The following RERE variants were observed in gnomAD, a reference collection of about 807,000 sequenced individuals.
The protein encoded by RERE is arginine-glutamic acid dipeptide repeats protein.
Under a neutral mutation model 146.1 loss-of-function variants are expected in RERE, and 40 were observed. That is an observed-to-expected ratio of 0.27 (90% CI 0.21 to 0.36). RERE has a LOEUF of 0.36. RERE is among the 10% of genes least tolerant of loss of function. RERE has a pLI of 1.00. For synonymous variants in RERE, 1,003 were observed against 866.0 expected (o/e 1.16, Z -2.78); for missense variants, 1,933 against 2,138.7 (o/e 0.90, Z 1.90).
rs1338007021 is a variant in RERE, at chr1:8,364,608, T to C, written c.1540+138A>G. 1.8e-5 allele frequency: 12 copies of C among 685,496 alleles called. No individual in the cohort carries two copies. Among genetic ancestry groups the C allele is most frequent in the African/African-American group, 3.5e-5 (2 of 56,694 alleles). The allele number at this position is 685,496 out of a possible 1,614,324, so 42.5% of individuals were successfully genotyped here. A position where few individuals can be genotyped will look rare whatever the true frequency, so the allele number is the denominator to read the frequency against. On this transcript the variant is annotated intron_variant, in intron 14 of 22. Transcript: ENST00000400908. This position sits in a 1 kb window ranked among gnomAD's most constrained non-coding sequence, Gnocchi z 5.1. ...AAAGTAAACTAAACATTTCTAACTTTCTCGAATCCCGAAGCACAATGCAAA... is the reference window on the plus strand; with the variant it reads ...AAAGTAAACTAAACATTTCTAACTTCCTCGAATCCCGAAGCACAATGCAAA...
Position 8,498,714 on chromosome 1 carries a change from A to AT in RERE, c.880-1186_880-1185insA, listed in dbSNP as rs200250800. Reference sequence around the variant, plus strand: ...CCATCTCAAAAAAAAAAAAAATAAAAAAAAAAAAATAAATATATACACACA... The same window carrying AT: ...CCATCTCAAAAAAAAAAAAAATAAAATAAAAAAAAATAAATATATACACACA... On this transcript the variant is annotated intron_variant, in intron 8 of 22. Transcript: ENST00000400908. Among the ~76,000 whole-genome samples the AT allele has an allele frequency of 1.0e-4, 11 of 108,826 alleles. 1 individual carries two copies. Among genetic ancestry groups the AT allele is most frequent in the East Asian group, 8.0e-4 (3 of 3,734 alleles). The allele number at this position is 108,826 out of a possible 152,430, so 71.4% of individuals were successfully genotyped here. A position where few individuals can be genotyped will look rare whatever the true frequency, so the allele number is the denominator to read the frequency against.
At chr1:8,754,779 A>T (rs889691321) in intron 1 of RERE, among the ~76,000 whole-genome samples, 7 of 152,220 alleles carry the variant, frequency 4.6e-5, no homozygotes, top group Non-Finnish European at 1.0e-4. Context: ...AACTGCTGAG[A>T]TTTTCAGATC....
chr1:8,545,601 G>C (rs1276420045), intron 6 of RERE, among the ~76,000 whole-genome samples: 1 of 151,024 alleles, frequency 6.6e-6, no homozygotes, highest in Non-Finnish European at 1.5e-5. Flanking sequence ...CAAATCTGTT[G>C]AAAGCTATTA....
At chr1:8,604,185 G>A (rs1319090976) in intron 4 of RERE, among the ~76,000 whole-genome samples, 1 of 152,106 alleles carries the variant, frequency 6.6e-6, no homozygotes, top group East Asian at 1.9e-4. Context: ...TAAGTCACCT[G>A]ATCGTACAAC....
chr1:8,485,778 C>A (rs1644890485), intron 10 of RERE, among the ~76,000 whole-genome samples: 1 of 146,386 alleles, frequency 6.8e-6, no homozygotes, highest in South Asian at 2.1e-4. Context: ...AAAGGAGAAA[C>A]AACCAACTCT....
intron 1 of RERE, among the ~76,000 whole-genome samples, chr1:8,712,961 G>A (rs1231065109): frequency 6.6e-6 from 1 of 152,156 alleles, no homozygotes; most frequent in East Asian, 1.9e-4. Flanking sequence ...TGCTATGGAG[G>A]ACTATAGTTT....
At chr1:8,618,566 C>T (rs1427795320) in intron 3 of RERE, among the ~76,000 whole-genome samples, 1 of 152,166 alleles carries the variant, frequency 6.6e-6, no homozygotes, top group African/African-American at 2.4e-5. Flanking sequence ...TAAACGAATG[C>T]CCATTCCGTG....
chr1:8,386,098 C>A (rs1174351299), intron 12 of RERE, among the ~76,000 whole-genome samples: 1 of 120,500 alleles, frequency 8.3e-6, no homozygotes, highest in Non-Finnish European at 1.6e-5. Context: ...AGTTTCTAAG[C>A]TTCCATGTAG....
rs34684190 is a variant in RERE, at chr1:8,788,666, G to GTT, written c.-145+28492_-145+28493dup. Among the ~76,000 whole-genome samples the GTT allele has an allele frequency of 4.3e-3, 627 of 144,514 alleles. 3 individuals are homozygous for GTT. Among genetic ancestry groups the GTT allele is most frequent in the African/African-American group, 8.1e-3 (319 of 39,164 alleles). 94.8% of individuals were successfully genotyped at this position (144,514 alleles called of 152,430 possible). A position where few individuals can be genotyped will look rare whatever the true frequency, so the allele number is the denominator to read the frequency against. On this transcript the variant is annotated intron_variant, in intron 1 of 22. Transcript: ENST00000400908. The stretch of plus-strand genomic sequence containing the variant: ...GCGTGAGCCACTGCGCCCAGCCAGT[G>GTT]TTTTTTTTTTTTTTTAAGAAGCTGT...
At position 8,651,361 on chromosome 1, in the gene RERE, G is replaced by C. The variant is rs1023536223; in HGVS notation, c.325+4612C>G. Among the ~76,000 whole-genome samples the C allele has an allele frequency of 3.2e-4, 48 of 152,074 alleles. 2 individuals are homozygous for C. Among genetic ancestry groups the C allele is most frequent in the Admixed American group, 3.1e-3 (48 of 15,280 alleles). Reference sequence around the variant, plus strand: ...GGAGTTCGAGGATGTGGTTAACTATGATCACGCCACTACCCTCCAGTCTGA... The same window carrying C: ...GGAGTTCGAGGATGTGGTTAACTATCATCACGCCACTACCCTCCAGTCTGA... On this transcript the variant is annotated intron_variant, in intron 2 of 22. Transcript: ENST00000400908.
intron 1 of RERE, among the ~76,000 whole-genome samples, chr1:8,803,313 C>T (rs1385310946): frequency 2.6e-5 from 4 of 151,870 alleles, no homozygotes; most frequent in Admixed American, 2.0e-4. Context: ...ACTAAAAATA[C>T]AAAAATCAGC....
intron 1 of RERE, among the ~76,000 whole-genome samples, chr1:8,671,388 T>C (rs1638714019): frequency 6.6e-6 from 1 of 152,196 alleles, no homozygotes. Flanking sequence ...TATGGACAAC[T>C]TCTGTATTAA....
At chr1:8,496,778 T>C (rs558793400) in intron 9 of RERE, among the ~76,000 whole-genome samples, 42 of 152,322 alleles carry the variant, frequency 2.8e-4, no homozygotes, top group Middle Eastern at 3.4e-3. Context: ...CAGATAAATA[T>C]TCTCATGTAG....
intron 12 of RERE, among the ~76,000 whole-genome samples, chr1:8,382,285 T>C (rs921089589): frequency 2.0e-5 from 3 of 152,252 alleles, no homozygotes; most frequent in Admixed American, 6.5e-5. Flanking sequence ...CCAACGGCAG[T>C]GGTCAACACT....
At chr1:8,520,203 TTC>T (rs1386005327) in intron 7 of RERE, among the ~76,000 whole-genome samples, 3 of 152,184 alleles carry the variant, frequency 2.0e-5, no homozygotes, top group Non-Finnish European at 4.4e-5. Flanking sequence ...ATTCTAAATT[TTC>T]TCTGTGGAAA....
chr1:8,807,210 C>T lies in RERE; in HGVS notation c.-145+9950G>A, dbSNP rs189587163. The stretch of plus-strand genomic sequence containing the variant: ...TGGGCTACAGGCACGTGCTACCACG[C>T]CTGGCTAATTTTTAATTTTTTTTGC... On this transcript the variant is annotated intron_variant, in intron 1 of 22. Transcript: ENST00000400908. Among the ~76,000 whole-genome samples, 5 of 152,214 alleles carry T rather than the reference C, an allele frequency of 3.3e-5. No homozygotes were observed. The East Asian group carries it at 7.7e-4, about 24-fold the overall frequency.
At chr1:8,480,177 T>A (rs1368886145) in intron 10 of RERE, among the ~76,000 whole-genome samples, 2 of 150,106 alleles carry the variant, frequency 1.3e-5, no homozygotes, top group East Asian at 1.9e-4. Flanking sequence ...TCTCGCTCTG[T>A]TGCCCAGGCT....
chr1:8,547,577 A>G (rs1468657075), intron 6 of RERE, among the ~76,000 whole-genome samples: 1 of 152,240 alleles, frequency 6.6e-6, no homozygotes, highest in African/African-American at 2.4e-5. Flanking sequence ...TAGAAAATAC[A>G]TAAACAGACA....
chr1:8,795,987 A>T (rs1052486597), intron 1 of RERE, among the ~76,000 whole-genome samples: 4 of 150,240 alleles, frequency 2.7e-5, no homozygotes, highest in Admixed American at 2.7e-4. Flanking sequence ...CGTCTCAAAA[A>T]AAAAAAAAAA....
Sources: gnomAD v4.1 joint callset for allele counts (sites outside exome capture counted in the v4.1 genomes callset) on GRCh38, gnomAD v4.1.1 for gene constraint, Gnocchi (gnomAD v3.1) non-coding constraint, MANE v1.5 for transcripts, NCBI Gene and HGNC (gene_info 2026-07-23, HGNC 2026-07-21) for gene names.